Variants in SYTL3 observed in about 807,000 individuals in gnomAD.
SYTL3 encodes synaptotagmin-like protein 3.
Under a neutral mutation model 82.1 loss-of-function variants are expected in SYTL3, and 88 were observed. The observed-to-expected ratio is 1.07, with a 90% CI of 0.90 to 1.28. The LOEUF (loss-of-function observed/expected upper bound fraction) is 1.28, where lower values mean the gene tolerates loss of function less well. Among genes scored for constraint, SYTL3 ranks in the 50% most tolerant of loss-of-function variants. The pLI, the probability that SYTL3 is intolerant of heterozygous loss-of-function variation, is 0.00. For synonymous variants in SYTL3, 311 were observed against 289.4 expected, an observed-to-expected ratio of 1.07 and a Z score of -0.76; for missense variants, 831 against 757.6, an observed-to-expected ratio of 1.10 and a Z score of -1.14.
intron 11 of SYTL3, among the ~76,000 whole-genome samples, chr6:158,736,175 C>G (rs1017740086): frequency 6.6e-6 from 1 of 152,032 alleles, no homozygotes. Flanking sequence ...CATAGTGAAA[C>G]CACATCTCTA....
At chr6:158,720,573 G>C (rs1783991821) in intron 10 of SYTL3, among the ~76,000 whole-genome samples, 1 of 152,090 alleles carries the variant, frequency 6.6e-6, no homozygotes, top group Admixed American at 6.6e-5. Context: ...GAAGAAAGAG[G>C]GTTCAGGAAG....
chr6:158,713,351 G>A (rs943146568), intron 8 of SYTL3, among the ~76,000 whole-genome samples: 8 of 151,998 alleles, frequency 5.3e-5, no homozygotes, highest in Non-Finnish European at 1.2e-4. Flanking sequence ...CTCTTGCCTG[G>A]TCACCTTGTG....
intron 5 of SYTL3, among the ~76,000 whole-genome samples, chr6:158,671,518 A>G (rs1777378668): frequency 6.6e-6 from 1 of 152,024 alleles, no homozygotes; most frequent in Admixed American, 6.6e-5. Flanking sequence ...TAATCCCATC[A>G]CTTTGGGAGG....
At chr6:158,725,336 T>C (rs1202085078) in intron 10 of SYTL3, among the ~76,000 whole-genome samples, 167 bp from the exon 11 acceptor site, 2 of 152,156 alleles carry the variant, frequency 1.3e-5, no homozygotes, top group Non-Finnish European at 2.9e-5. Context: ...CGTGTGTGTG[T>C]GTGTGTGCGC....
intron 10 of SYTL3, 147 bp downstream of exon 10, chr6:158,718,358 G>A (rs990768152): frequency 3.0e-6 from 3 of 1,009,974 alleles, no homozygotes; most frequent in Non-Finnish European, 4.0e-6. Context: ...ACCAGTCAGT[G>A]CCTCTATTTG....
intron 6 of SYTL3, among the ~76,000 whole-genome samples, chr6:158,691,176 G>T (rs913272091): frequency 8.6e-5 from 13 of 152,044 alleles, no homozygotes; most frequent in Non-Finnish European, 1.5e-4. Flanking sequence ...GTGAAACGCT[G>T]TCTCTAATAA....
intron 1 of SYTL3, among the ~76,000 whole-genome samples, chr6:158,650,794 T>C (rs1024071407): frequency 7.9e-6 from 1 of 127,246 alleles, no homozygotes; most frequent in African/African-American, 2.9e-5. Flanking sequence ...AAAAAAAAAA[T>C]ACAAAAATTA....
At position 158,760,703 on chromosome 6, in the gene SYTL3, G is replaced by T. The variant is rs750948120; in HGVS notation, c.1372G>T (p.Val458Phe). ...NGELTVRAKL[V>F]LPSRPRKLQE... ...AGAGCTCACAGTCCGGGCTAAGCTG[G>T]TTCTCCCTTCACGGCCCAGAAAACT... Residue 458 changes from valine (V) to phenylalanine (F), a missense_variant, in exon 15 of 18, where the codon GTT becomes TTT. By Grantham distance (50) the Val-to-Phe change is conservative. Coordinates refer to ENST00000611299, the MANE Select transcript of SYTL3 (RefSeq NM_001242394.2). The T allele has an allele frequency of 1.5e-5, 24 of 1,614,040 alleles. No homozygotes were observed. The highest frequency in any genetic ancestry group is 1.0e-4 in the Admixed American group (6 of 60,004).
At chr6:158,749,557 C>T (rs1459722238) in intron 12 of SYTL3, among the ~76,000 whole-genome samples, 2 of 125,104 alleles carry the variant, frequency 1.6e-5, no homozygotes, top group Non-Finnish European at 3.2e-5. Context: ...CACTATGTTG[C>T]CCAGGCTGGT....
chr6:158,752,796 G>T (rs1788557694), intron 13 of SYTL3, among the ~76,000 whole-genome samples: 1 of 152,216 alleles, frequency 6.6e-6, no homozygotes. Flanking sequence ...TTGGCAAGTA[G>T]GGGGTGTCTG....
chr6:158,707,099 A>G, intron 6 of SYTL3, 131 bp from the exon 7 acceptor site: 1 of 952,990 alleles, frequency 1.0e-6, no homozygotes, highest in Non-Finnish European at 1.6e-6. Flanking sequence ...CTATCACCTC[A>G]AAATGATCTC....
At chr6:158,689,236 G>T (rs1779603559) in intron 6 of SYTL3, among the ~76,000 whole-genome samples, 1 of 151,994 alleles carries the variant, frequency 6.6e-6, no homozygotes, top group Non-Finnish European at 1.5e-5. Context: ...TAGGAATGTT[G>T]CCTCCTTTAG....
intron 5 of SYTL3, among the ~76,000 whole-genome samples, chr6:158,675,175 G>A (rs1003365133): frequency 3.9e-5 from 6 of 152,134 alleles, no homozygotes; most frequent in African/African-American, 7.2e-5. Context: ...GCCCCCCTGC[G>A]GAGGGGAGGA....
chr6:158,657,425 C>CAAAAAAAAAAAAAAAAAAAAAAAAAAA, intron 2 of SYTL3, among the ~76,000 whole-genome samples: 1 of 80,114 alleles, frequency 1.2e-5, no homozygotes, highest in Non-Finnish European at 2.4e-5. Context: ...GACTCTGGCT[C>CAAAAAAAAAAAAAAAAAAAAAAAAAAA]AAAAAAAAAA....
chr6:158,761,884 CG>C (rs1201709866), intron 15 of SYTL3, among the ~76,000 whole-genome samples, 191 bp from the exon 16 acceptor site: 1 of 152,152 alleles, frequency 6.6e-6, no homozygotes, highest in Admixed American at 6.5e-5. Context: ...GACCACAGAG[CG>C]GCACGGTGTG....
At chr6:158,764,423 T>C (rs964648022) in intron 17 of SYTL3, 72 bp from the exon 18 acceptor site, 5 of 1,204,818 alleles carry the variant, frequency 4.2e-6, no homozygotes, top group African/African-American at 1.5e-5. Flanking sequence ...CTGGTCATCA[T>C]TTTTAAAGGG....
rs71030191 is a variant in SYTL3, at chr6:158,693,855, C to CTTTTCTTTTCTTTTCTTTTTTTTT, written c.394+10870_394+10871insCTTTTCTTTTCTTTTTTTTTTTTT. 7.2e-5 allele frequency among the ~76,000 whole-genome samples: 7 copies of CTTTTCTTTTCTTTTCTTTTTTTTT among 96,864 alleles called. 1 individual carries two copies. Among genetic ancestry groups the CTTTTCTTTTCTTTTCTTTTTTTTT allele is most frequent in the African/African-American group, 3.2e-4 (6 of 18,590 alleles). The allele number at this position is 96,864 out of a possible 152,430, so 63.5% of individuals were successfully genotyped here. On this transcript the variant is annotated intron_variant, in intron 6 of 17. Coordinates refer to ENST00000611299, the MANE Select transcript of SYTL3 (RefSeq NM_001242394.2). ...TGCATCCAGCCTTTCTTTTTCTTTT[C>CTTTTCTTTTCTTTTCTTTTTTTTT]TTTTTTTTTTTTTTTTTTGTAGATA...
rs1426272212 is a variant in SYTL3, at chr6:158,693,854, TC to T, written c.394+10866del. Among the ~76,000 whole-genome samples the T allele has an allele frequency of 8.0e-5, 7 of 87,512 alleles. 1 individual carries two copies. Among genetic ancestry groups the T allele is most frequent in the East Asian group, 2.1e-4 (1 of 4,856 alleles). 57.4% of individuals were successfully genotyped at this position (87,512 alleles called of 152,430 possible). ...CTGCATCCAGCCTTTCTTTTTCTTTTCTTTTTTTTTTTTTTTTTTGTAGATA... is the reference window on the plus strand; with the variant it reads ...CTGCATCCAGCCTTTCTTTTTCTTTTTTTTTTTTTTTTTTTTTTGTAGATA... On this transcript the variant is annotated intron_variant, in intron 6 of 17. Coordinates refer to ENST00000611299, the MANE Select transcript of SYTL3 (RefSeq NM_001242394.2).
chr6:158,730,560 G>A lies in SYTL3; in HGVS notation c.855+4923G>A, dbSNP rs568247063. Among the ~76,000 whole-genome samples the A allele has an allele frequency of 5.3e-5, 8 of 152,254 alleles. No individual in the cohort carries two copies. In the East Asian group the frequency reaches 1.2e-3, roughly 22 times the overall value. On this transcript the variant is annotated intron_variant, in intron 11 of 17. Transcript: ENST00000611299. ...AGGAGGCGCCCCACTGCCTCGTTGC[G>A]GTGGCCTCTGGGGTAAGGAATCGAG...
Sources: allele counts gnomAD v4.1 joint callset (sites outside exome capture counted in the v4.1 genomes callset), GRCh38; gene constraint gnomAD v4.1.1; transcripts MANE v1.5; gene names NCBI Gene and HGNC (gene_info 2026-07-23, HGNC 2026-07-21).